The following LRMDA variants were observed in gnomAD, a reference collection of about 807,000 sequenced individuals.
The protein encoded by LRMDA is leucine rich melanocyte differentiation associated.
LRMDA carries 18 observed loss-of-function variants against 29.8 expected under a neutral mutation model. That is an observed-to-expected ratio of 0.60 (90% CI 0.42 to 0.90). The LOEUF (loss-of-function observed/expected upper bound fraction) is 0.90. LRMDA is among the 40% of genes least tolerant of loss of function. The pLI is 0.00. For missense variants in LRMDA, 273 were observed against 273.9 expected, an observed-to-expected ratio of 1.00 and a Z score of 0.02; for synonymous variants, 125 against 109.4, an observed-to-expected ratio of 1.14 and a Z score of -0.89.
At chr10:75,697,834 A>AGTGTGTGTGTGTGT (rs377639647) in intron 2 of LRMDA, among the ~76,000 whole-genome samples, 165 of 132,142 alleles carry the variant, frequency 1.2e-3, no homozygotes, top group African/African-American at 5.0e-3. Flanking sequence ...TGCATGTAAG[A>AGTGTGTGTGTGTGT]GTGTGTGTGT....
intron 4 of LRMDA, among the ~76,000 whole-genome samples, chr10:76,048,555 C>T (rs540585991): frequency 6.6e-5 from 10 of 152,154 alleles, no homozygotes; most frequent in East Asian, 1.9e-4. Flanking sequence ...ATGTGGAGTC[C>T]GGCTTTCCCA....
chr10:76,248,046 A>C (rs1304666236), intron 5 of LRMDA, among the ~76,000 whole-genome samples: 1 of 152,208 alleles, frequency 6.6e-6, no homozygotes, highest in Non-Finnish European at 1.5e-5. Flanking sequence ...AGCCGTCTTC[A>C]TTGGAAAACG....
intron 2 of LRMDA, among the ~76,000 whole-genome samples, chr10:75,457,976 C>T (rs1055045650): frequency 1.2e-4 from 18 of 152,114 alleles, no homozygotes; most frequent in African/African-American, 4.1e-4. Context: ...GTATTTCTGG[C>T]TGGAGGATGA....
At chr10:76,145,109 A>G (rs1479015573) in intron 5 of LRMDA, among the ~76,000 whole-genome samples, 1 of 152,040 alleles carries the variant, frequency 6.6e-6, no homozygotes, top group Non-Finnish European at 1.5e-5. Context: ...TTTTATTGAG[A>G]ATTTTTGCAT....
chr10:75,930,283 G>A (rs1846185431), intron 2 of LRMDA, among the ~76,000 whole-genome samples: 2 of 151,968 alleles, frequency 1.3e-5, no homozygotes, highest in African/African-American at 4.8e-5. Flanking sequence ...TGGAGGAAGG[G>A]CAAGCTGTTT....
chr10:76,423,259 A>G (rs1275609878), intron 6 of LRMDA, among the ~76,000 whole-genome samples: 1 of 152,072 alleles, frequency 6.6e-6, no homozygotes, highest in Non-Finnish European at 1.5e-5. Context: ...GCCGAGTGTG[A>G]TGGTGCACAC....
At chr10:76,070,570 C>T (rs916717933) in intron 5 of LRMDA, among the ~76,000 whole-genome samples, 1 of 152,178 alleles carries the variant, frequency 6.6e-6, no homozygotes, top group African/African-American at 2.4e-5. Flanking sequence ...GATATTGTCT[C>T]CAGGTAGAGT....
intron 5 of LRMDA, among the ~76,000 whole-genome samples, chr10:76,268,486 C>G (rs553542709): frequency 6.6e-6 from 1 of 152,268 alleles, no homozygotes; most frequent in African/African-American, 2.4e-5. Flanking sequence ...TCTCTCACCC[C>G]TCTTATATTA....
intron 2 of LRMDA, among the ~76,000 whole-genome samples, chr10:75,579,451 T>G (rs946243455): frequency 6.6e-6 from 1 of 152,076 alleles, no homozygotes; most frequent in Non-Finnish European, 1.5e-5. Context: ...ACCAAAAAAG[T>G]CCAGGACCCG....
intron 5 of LRMDA, among the ~76,000 whole-genome samples, chr10:76,074,879 C>T (rs777590896): frequency 1.3e-5 from 2 of 152,114 alleles, no homozygotes; most frequent in African/African-American, 2.4e-5. Flanking sequence ...AGTCAGTCTC[C>T]ATTCACTGAT....
chr10:76,201,323 G>A (rs935871774), intron 5 of LRMDA, among the ~76,000 whole-genome samples: 9 of 151,446 alleles, frequency 5.9e-5, no homozygotes, highest in Non-Finnish European at 7.4e-5. Flanking sequence ...TCAAACTCTT[G>A]ACCTCATGAT....
At position 76,367,393 on chromosome 10, in the gene LRMDA, G is replaced by GTTT. The variant is rs528388935; in HGVS notation, c.601+42910_601+42911insTTT. Among the ~76,000 whole-genome samples the GTTT allele has an allele frequency of 3.1e-3, 467 of 149,572 alleles. 3 individuals carry two copies. The highest frequency in any genetic ancestry group is 0.011 in the African/African-American group (438 of 40,580). On this transcript the variant is annotated intron_variant, in intron 6 of 6. Transcript: ENST00000611255. Reference sequence around the variant, plus strand: ...GAACCTGTCTGGTCCTGGACTTTTTGTTGTTGTTGTTGTTGTTTTAATTTT... The same window carrying GTTT: ...GAACCTGTCTGGTCCTGGACTTTTTGTTTTTGTTGTTGTTGTTGTTTTAATTTT...
chr10:76,533,808 C>A lies in LRMDA; in HGVS notation c.602-23401C>A, dbSNP rs149232434. The stretch of plus-strand genomic sequence containing the variant: ...CATCAATGTTTTGCTCCAAGAGTAT[C>A]CTGTAATGTATATGCTCAACTTGAG... On this transcript the variant is annotated intron_variant, in intron 6 of 6. Coordinates refer to ENST00000611255, the MANE Select transcript of LRMDA (RefSeq NM_001305581.2). Among the ~76,000 whole-genome samples the A allele has an allele frequency of 3.7e-3, 566 of 152,284 alleles. 5 individuals are homozygous for A. Among genetic ancestry groups the A allele is most frequent in the African/African-American group, 0.012 (517 of 41,556 alleles).
chr10:76,005,024 G>T (rs1169552470), intron 2 of LRMDA, among the ~76,000 whole-genome samples: 3 of 152,064 alleles, frequency 2.0e-5, no homozygotes, highest in Non-Finnish European at 4.4e-5. Flanking sequence ...ACCATGCCTG[G>T]CCTTAAAATT....
At chr10:75,755,057 T>G (rs1035037285) in intron 2 of LRMDA, among the ~76,000 whole-genome samples, 2 of 152,090 alleles carry the variant, frequency 1.3e-5, no homozygotes, top group Non-Finnish European at 2.9e-5. Context: ...TTTTTTTGTT[T>G]GTTTTGTTTT....
intron 5 of LRMDA, among the ~76,000 whole-genome samples, chr10:76,095,992 A>G (rs1048035612): frequency 6.7e-6 from 1 of 150,096 alleles, no homozygotes; most frequent in African/African-American, 2.4e-5. Context: ...TTGAGTTTTG[A>G]GATTTCTTTA....
rs942498477 is a variant in LRMDA at position 76,559,260 on chromosome 10, C to A, written c.*1972C>A. ...CATCTTTATTTTTCTTACTTGTTTACTTTTTTTAATGTCAGAACCATTTGT... is the reference window on the plus strand; with the variant it reads ...CATCTTTATTTTTCTTACTTGTTTAATTTTTTTAATGTCAGAACCATTTGT... On this transcript the variant is annotated 3_prime_UTR_variant, in exon 7 of 7. Transcript: ENST00000611255. The A allele has an allele frequency of 4.6e-5, 7 of 152,126 alleles. No homozygotes were observed. Among genetic ancestry groups the A allele is most frequent in the Middle Eastern group, 3.2e-3 (1 of 316 alleles). 9.4% of individuals were successfully genotyped at this position (152,126 alleles called of 1,614,324 possible). A position where few individuals can be genotyped will look rare whatever the true frequency, so the allele number is the denominator to read the frequency against.
intron 2 of LRMDA, among the ~76,000 whole-genome samples, chr10:75,507,106 GCAT>G (rs938176929): frequency 2.1e-5 from 3 of 145,972 alleles, no homozygotes; most frequent in African/African-American, 7.5e-5. Flanking sequence ...TTGTGTTCTG[GCAT>G]CTTTTTTTTT....
intron 2 of LRMDA, among the ~76,000 whole-genome samples, chr10:75,769,532 A>G (rs574113171): frequency 6.6e-6 from 1 of 152,330 alleles, no homozygotes; most frequent in East Asian, 1.9e-4. Context: ...GCAAACATAC[A>G]TACTTATTTT....
Sources: allele counts gnomAD v4.1 joint callset (sites outside exome capture counted in the v4.1 genomes callset), GRCh38; gene constraint gnomAD v4.1.1; transcripts MANE v1.5; gene names NCBI Gene and HGNC (gene_info 2026-07-23, HGNC 2026-07-21).